The following CRB1 variants were observed in gnomAD, a reference collection of about 807,000 sequenced individuals.
CRB1 encodes the protein crumbs cell polarity complex component 1.
In CRB1, 83 loss-of-function variants were observed where a neutral mutation model predicts 120.0. That is an observed-to-expected ratio of 0.69 (90% CI 0.58 to 0.83). The LOEUF is 0.83. Among genes scored for constraint, CRB1 ranks in the 40% least tolerant of loss-of-function variants. The pLI is 0.00. For synonymous variants in CRB1, 625 were observed against 612.5 expected (o/e 1.02, Z -0.30); for missense variants, 1,699 against 1,687.6 (o/e 1.01, Z -0.12).
At chr1:197,400,965 C>T (rs544292259) in intron 5 of CRB1, among the ~76,000 whole-genome samples, 1 of 152,062 alleles carries the variant, frequency 6.6e-6, no homozygotes, top group East Asian at 1.9e-4. Flanking sequence ...TTTCTCTATT[C>T]TTCCCTTCCC....
intron 5 of CRB1, among the ~76,000 whole-genome samples, chr1:197,379,627 AAAC>A (rs1558094784): frequency 6.6e-6 from 1 of 151,516 alleles, no homozygotes; most frequent in African/African-American, 2.4e-5. Flanking sequence ...AAAAAAAAAA[AAAC>A]CATTTTTCTA....
the CRB1 span, among the ~76,000 whole-genome samples, chr1:197,250,810 T>C: frequency 6.6e-6 from 1 of 151,992 alleles, no homozygotes; most frequent in East Asian, 1.9e-4. Context: ...TGCACCTCAG[T>C]CAGAAGAAGC....
At chr1:197,257,029 G>A in the CRB1 span, among the ~76,000 whole-genome samples, 5 of 151,340 alleles carry the variant, frequency 3.3e-5, no homozygotes, top group Non-Finnish European at 7.4e-5. Flanking sequence ...GCAAACTGGA[G>A]AACCAGAAAA....
chr1:197,408,558 G>T (rs1663537097), intron 5 of CRB1, among the ~76,000 whole-genome samples: 2 of 151,996 alleles, frequency 1.3e-5, no homozygotes, highest in South Asian at 2.1e-4. Context: ...TAATAAATTT[G>T]CAAAAAATGA....
chr1:197,375,045 C>T (rs1394303447), intron 5 of CRB1, among the ~76,000 whole-genome samples: 1 of 152,184 alleles, frequency 6.6e-6, no homozygotes, highest in Non-Finnish European at 1.5e-5. Flanking sequence ...TCATCTTCTA[C>T]ATCTGAACCC....
intron 5 of CRB1, among the ~76,000 whole-genome samples, chr1:197,386,476 A>G (rs1313452556): frequency 6.6e-6 from 1 of 152,178 alleles, no homozygotes; most frequent in African/African-American, 2.4e-5. Flanking sequence ...CAGAGCTAAA[A>G]GTCCCTGCAT....
At chr1:197,269,448 T>C (rs865917678) in intron 1 of CRB1, among the ~76,000 whole-genome samples, 2 of 152,156 alleles carry the variant, frequency 1.3e-5, no homozygotes, top group Admixed American at 6.5e-5. Context: ...ATGGCACATA[T>C]AGAAAAACCA....
chr1:197,209,059 G>T, the CRB1 span, among the ~76,000 whole-genome samples: 38 of 152,298 alleles, frequency 2.5e-4, no homozygotes, highest in South Asian at 1.2e-3. Context: ...CAAAAGGCCA[G>T]TCTCACTTCC....
intron 2 of CRB1, among the ~76,000 whole-genome samples, chr1:197,335,625 A>G (rs1421080248): frequency 1.3e-5 from 2 of 151,860 alleles, no homozygotes; most frequent in Non-Finnish European, 2.9e-5. Context: ...CAGCCTCCTT[A>G]GTAGCTGGGA....
intron 11 of CRB1, among the ~76,000 whole-genome samples, chr1:197,458,817 T>C (rs1666398092): frequency 6.6e-6 from 1 of 152,060 alleles, no homozygotes. Flanking sequence ...AATCTAGCTG[T>C]CAAGAAAAAA....
In CRB1 at chr1:197,429,557, G is replaced by T; in HGVS notation, c.2785G>T (p.Gly929Ter). The change falls in exon 8 of 12, where the codon GGA becomes TGA. Residue 929 changes from glycine to a stop codon, truncating the protein, a stop_gained. Coordinates refer to ENST00000367400, the MANE Select transcript of CRB1 (RefSeq NM_201253.3). LOFTEE classifies it high-confidence loss of function. ...AGCCTGTGAGGAGGTTCAGTGGTGT[G>T]GATTCAGCCCGTGTCCTCACGGAGC... Reference protein sequence around the residue: ...GKACEEVQWCGFSPCPHGAQC... With the variant: ...GKACEEVQWC 1 of 1,613,976 alleles carries T rather than the reference G, an allele frequency of 6.2e-7. No homozygotes were observed. The highest frequency in any genetic ancestry group is 1.7e-5 in the Admixed American group (1 of 59,986).
At chr1:197,260,204 A>G in the CRB1 span, among the ~76,000 whole-genome samples, 1 of 13,152 alleles carries the variant, frequency 7.6e-5, no homozygotes, top group African/African-American at 7.5e-4. Context: ...AAGAGGAAGA[A>G]GAGGAAGGAG....
intron 11 of CRB1, among the ~76,000 whole-genome samples, chr1:197,473,714 C>G (rs1298296592): frequency 6.6e-6 from 1 of 151,960 alleles, no homozygotes; most frequent in Non-Finnish European, 1.5e-5. Context: ...AGAGCACAAC[C>G]AATCCAAATA....
At chr1:197,230,943 A>G in the CRB1 span, among the ~76,000 whole-genome samples, 2 of 152,316 alleles carry the variant, frequency 1.3e-5, no homozygotes, top group South Asian at 2.1e-4. Context: ...AGATGATAGT[A>G]TCTCTCATGA....
chr1:197,274,522 A>G (rs1655093852), intron 1 of CRB1, among the ~76,000 whole-genome samples: 1 of 152,188 alleles, frequency 6.6e-6, no homozygotes, highest in Admixed American at 6.5e-5. Context: ...AATTCTGTAC[A>G]TTTTGACAAA....
rs757171810 is a variant in CRB1 at position 197,427,797 on chromosome 1, C to T, written c.2472C>T (p.Ile824=). The T allele has an allele frequency of 8.1e-6, 13 of 1,613,872 alleles. No individual in the cohort carries two copies. Among genetic ancestry groups the T allele is most frequent in the Admixed American group, 3.3e-5 (2 of 59,974 alleles). The change falls in exon 7 of 12, where the codon ATC becomes ATT. Residue 824 remains isoleucine, a synonymous_variant. Transcript: ENST00000367400. ...TTATTTCTGCTTCTACGTGGAAAAT[C>T]GAAAAGGGAGATGTCATCTACATTG... is the stretch of plus-strand genomic sequence containing the variant. ...LGFISASTWK[I]EKGDVIYIGG...
At chr1:197,414,039 T>C (rs748341334) in intron 5 of CRB1, 21 of 430,640 alleles carry the variant, frequency 4.9e-5, no homozygotes, top group South Asian at 3.5e-4. Flanking sequence ...ATTTGCAACA[T>C]GCTTAGTGTT....
At chr1:197,417,769 C>T (rs1664082706) in intron 5 of CRB1, among the ~76,000 whole-genome samples, 1 of 152,142 alleles carries the variant, frequency 6.6e-6, no homozygotes, top group African/African-American at 2.4e-5. Flanking sequence ...CCCCCTTCCC[C>T]CTTTTTTTGC....
At chr1:197,206,783 T>C in the CRB1 span, among the ~76,000 whole-genome samples, 1 of 152,168 alleles carries the variant, frequency 6.6e-6, no homozygotes, top group African/African-American at 2.4e-5. Context: ...AATCCATTTT[T>C]TCTTTGTTTA....
Sources: allele counts gnomAD v4.1 joint callset (sites outside exome capture counted in the v4.1 genomes callset), GRCh38; gene constraint gnomAD v4.1.1; transcripts MANE v1.5; gene names NCBI Gene and HGNC (gene_info 2026-07-23, HGNC 2026-07-21).